Variants in HIP1 observed in about 807,000 individuals in gnomAD.
HIP1 encodes huntingtin interacting protein 1, also known as huntingtin-interacting protein 1.
HIP1 carries 65 observed loss-of-function variants against 147.6 expected under a neutral mutation model. The observed-to-expected ratio is 0.44, with a 90% CI of 0.36 to 0.54. HIP1 has a LOEUF of 0.54. Ranked by LOEUF, HIP1 falls within the 20% of genes least tolerant of loss-of-function variation. HIP1 has a pLI of 0.00. For missense variants in HIP1, 1,061 were observed against 1,299.6 expected (o/e 0.82, Z 2.82); for synonymous variants, 479 against 504.0 (o/e 0.95, Z 0.67).
At position 75,592,432 on chromosome 7, in the gene HIP1, T is replaced by C. The variant is rs782257540; in HGVS notation, c.267A>G (p.Ala89=). The C allele has an allele frequency of 6.2e-6, 10 of 1,612,510 alleles. No individual in the cohort carries two copies. In the South Asian group the frequency reaches 8.8e-5, roughly 14 times the overall value. Residue 89 remains alanine, a synonymous_variant, in exon 3 of 31, where the codon GCA becomes GCG. Transcript: ENST00000336926. ...CATGGCAGAACTTCCAGCAGAGCAC[T>C]GCGTTGCTAGACAGAGGCAGGCGGT... is the stretch of plus-strand genomic sequence containing the variant. The part of the protein sequence containing the change: ...VVNRLPLSSN[A]VLCWKFCHVF...
intron 1 of HIP1, among the ~76,000 whole-genome samples, chr7:75,722,533 A>T (rs1388894331): frequency 6.6e-6 from 1 of 152,098 alleles, no homozygotes; most frequent in Non-Finnish European, 1.5e-5. Context: ...GCTCCTCTGC[A>T]GCCAAACCCA....
chr7:75,721,591 T>C (rs1161792690), intron 1 of HIP1, among the ~76,000 whole-genome samples: 1 of 152,026 alleles, frequency 6.6e-6, no homozygotes, highest in Non-Finnish European at 1.5e-5. Flanking sequence ...CTAGGCCTAC[T>C]GGGAAGGCCA....
intron 2 of HIP1, among the ~76,000 whole-genome samples, chr7:75,595,234 TTCTTTCTTTCTTTC>T (rs1796665129): frequency 8.9e-6 from 1 of 112,928 alleles, no homozygotes; most frequent in African/African-American, 4.2e-5. Flanking sequence ...CTTTCTTTCT[TTCTTTCTTTCTTTC>T]TTTCTTCCTT....
chr7:75,680,404 C>G (rs559453710), intron 1 of HIP1, among the ~76,000 whole-genome samples: 2 of 152,218 alleles, frequency 1.3e-5, no homozygotes, highest in African/African-American at 4.8e-5. Flanking sequence ...ACCATCCTAA[C>G]AGATCCCTTG....
intron 1 of HIP1, among the ~76,000 whole-genome samples, chr7:75,632,648 T>G (rs1378593021): frequency 6.6e-6 from 1 of 150,652 alleles, no homozygotes; most frequent in African/African-American, 2.4e-5. Context: ...TCCTCCTGCC[T>G]CAACCTCCCA....
chr7:75,658,040 C>G (rs1799196706), intron 1 of HIP1, among the ~76,000 whole-genome samples: 3 of 152,100 alleles, frequency 2.0e-5, no homozygotes. Context: ...ATTTCAAAAA[C>G]AAACTCTACA....
intron 24 of HIP1, among the ~76,000 whole-genome samples, 179 bp from the exon 25 acceptor site, chr7:75,547,211 G>A (rs587765351): frequency 6.6e-6 from 1 of 152,284 alleles, no homozygotes; most frequent in Non-Finnish European, 1.5e-5. Flanking sequence ...TGGGGAGTGA[G>A]AGAGATCTAA....
At chr7:75,598,586 A>T (rs146748584) in intron 2 of HIP1, among the ~76,000 whole-genome samples, 55 of 152,110 alleles carry the variant, frequency 3.6e-4, no homozygotes, top group African/African-American at 1.3e-3. Flanking sequence ...CTCTCAAAGG[A>T]AAGTAACTTT....
At chr7:75,702,757 C>T (rs1554519275) in intron 1 of HIP1, among the ~76,000 whole-genome samples, 2 of 152,074 alleles carry the variant, frequency 1.3e-5, no homozygotes, top group African/African-American at 4.8e-5. Flanking sequence ...GAGTGAGACT[C>T]ATCCTGCCTC....
intron 1 of HIP1, among the ~76,000 whole-genome samples, chr7:75,681,027 C>T (rs782790155): frequency 3.3e-5 from 5 of 152,272 alleles, no homozygotes; most frequent in Non-Finnish European, 4.4e-5. Context: ...CCGCCCACCT[C>T]GGCCTCCCAA....
In HIP1 at chr7:75,610,849, T is replaced by A. The variant is rs587627437; in HGVS notation, c.121-11602A>T. 1.4e-3 allele frequency among the ~76,000 whole-genome samples: 204 copies of A among 147,476 alleles called. 2 individuals carry two copies. In the East Asian group the frequency reaches 0.022, roughly 16 times the overall value. The stretch of plus-strand genomic sequence containing the variant: ...AAGATCCCATCACTATTAAAAAATA[T>A]ATATATATATTTATATATATTAAAA... On this transcript the variant is annotated intron_variant, in intron 1 of 30. Transcript: ENST00000336926.
At chr7:75,722,255 A>G (rs1008088959) in intron 1 of HIP1, among the ~76,000 whole-genome samples, 1 of 152,122 alleles carries the variant, frequency 6.6e-6, no homozygotes, top group African/African-American at 2.4e-5. Flanking sequence ...GGCTGCAGTG[A>G]ACCGTAATTA....
chr7:75,547,230 C>T (rs372239136), intron 24 of HIP1, among the ~76,000 whole-genome samples, 198 bp from the exon 25 acceptor site: 1 of 152,096 alleles, frequency 6.6e-6, no homozygotes, highest in African/African-American at 2.4e-5. Context: ...AATTGTGGGT[C>T]TCCATCGTAA....
At chr7:75,557,286 C>T (rs1417528804) in intron 16 of HIP1, among the ~76,000 whole-genome samples, 2 of 151,914 alleles carry the variant, frequency 1.3e-5, no homozygotes, top group Non-Finnish European at 1.5e-5. Flanking sequence ...ATCCACACCC[C>T]CCTCAGCCTC....
At chr7:75,689,747 C>T (rs1205817686) in intron 1 of HIP1, among the ~76,000 whole-genome samples, 4 of 152,028 alleles carry the variant, frequency 2.6e-5, no homozygotes, top group Admixed American at 6.6e-5. Flanking sequence ...AGAGGTACTC[C>T]GATACTTCTC....
chr7:75,612,829 T>A (rs914385338), intron 1 of HIP1, among the ~76,000 whole-genome samples: 3 of 151,034 alleles, frequency 2.0e-5, no homozygotes, highest in Admixed American at 6.6e-5. Flanking sequence ...TAATAATAAT[T>A]TTTTTAAAAA....
intron 1 of HIP1, among the ~76,000 whole-genome samples, chr7:75,603,366 C>A (rs1797084273): frequency 6.7e-6 from 1 of 148,964 alleles, no homozygotes; most frequent in Non-Finnish European, 1.5e-5. Flanking sequence ...AAAAATGGAG[C>A]CTTTCCTAGA....
chr7:75,547,057 A>G, intron 24 of HIP1, 25 bp from the exon 25 acceptor site: 1 of 1,534,112 alleles, frequency 6.5e-7, no homozygotes, highest in Non-Finnish European at 8.9e-7. Context: ...AGTCGAGGAT[A>G]CACTGAGATC....
intron 1 of HIP1, among the ~76,000 whole-genome samples, chr7:75,715,925 C>T (rs909310219): frequency 6.6e-6 from 1 of 151,792 alleles, no homozygotes; most frequent in East Asian, 1.9e-4. Flanking sequence ...GAAGGGGAAT[C>T]AGGCGTGTCA....
Sources: gnomAD v4.1 joint callset for allele counts (sites outside exome capture counted in the v4.1 genomes callset) on GRCh38, gnomAD v4.1.1 for gene constraint, MANE v1.5 for transcripts, NCBI Gene and HGNC (gene_info 2026-07-23, HGNC 2026-07-21) for gene names.